KCND2: variants seen among roughly 807,000 people sequenced by gnomAD.
KCND2 encodes A-type voltage-gated potassium channel KCND2.
A neutral mutation model predicts 54.4 loss-of-function variants in KCND2; 16 were observed. The observed-to-expected ratio is 0.29, with a 90% CI of 0.20 to 0.45. The LOEUF is 0.45. Among genes scored for constraint, KCND2 ranks in the 20% least tolerant of loss-of-function variants. The pLI, the probability that KCND2 is intolerant of heterozygous loss-of-function variation, is 1.00. For synonymous variants in KCND2, 317 were observed against 310.7 expected, an observed-to-expected ratio of 1.02 and a Z score of -0.21; for missense variants, 486 against 824.2, an observed-to-expected ratio of 0.59 and a Z score of 5.02.
intron 1 of KCND2, among the ~76,000 whole-genome samples, chr7:120,535,302 C>G (rs1791892063): frequency 6.6e-6 from 1 of 152,028 alleles, no homozygotes; most frequent in African/African-American, 2.4e-5. Flanking sequence ...AGTCATAAAT[C>G]ATTTATTATT....
chr7:120,326,048 T>C (rs1046126329), intron 1 of KCND2, among the ~76,000 whole-genome samples: 8 of 152,134 alleles, frequency 5.3e-5, no homozygotes, highest in African/African-American at 1.9e-4. Flanking sequence ...TAAACATTTA[T>C]AAATGAAAGT....
chr7:120,651,029 G>T (rs1249102110), intron 1 of KCND2, among the ~76,000 whole-genome samples: 1 of 143,312 alleles, frequency 7.0e-6, no homozygotes, highest in Admixed American at 6.8e-5. Context: ...GCCCCTACTT[G>T]GGGGGTGCCT....
rs937985018 is a variant in KCND2 at position 120,370,094 on chromosome 7, G to A, written c.1115+94347G>A. Reference sequence around the variant, plus strand: ...GAAGATGACATGTGGATAAAGATGTGAAGAAGGTGAGGAACTTGGCAGTGG... The same window carrying A: ...GAAGATGACATGTGGATAAAGATGTAAAGAAGGTGAGGAACTTGGCAGTGG... On this transcript the variant is annotated intron_variant, in intron 1 of 5. Transcript: ENST00000331113. Among the ~76,000 whole-genome samples the A allele has an allele frequency of 9.2e-5, 14 of 152,092 alleles. No individual in the cohort carries two copies. In the South Asian group the frequency reaches 2.7e-3, roughly 29 times the overall value.
chr7:120,711,399 T>C (rs948323596), intron 1 of KCND2, among the ~76,000 whole-genome samples: 1 of 152,196 alleles, frequency 6.6e-6, no homozygotes, highest in Non-Finnish European at 1.5e-5. Context: ...TTGCAATGAC[T>C]TGCATTCCCT....
At chr7:120,351,264 A>ATATATATC (rs1478998313) in intron 1 of KCND2, among the ~76,000 whole-genome samples, 6 of 146,758 alleles carry the variant, frequency 4.1e-5, no homozygotes, top group African/African-American at 1.5e-4. Flanking sequence ...ATATATATAT[A>ATATATATC]TATCCAGTAT....
At chr7:120,331,931 A>C (rs1800074989) in intron 1 of KCND2, among the ~76,000 whole-genome samples, 1 of 151,956 alleles carries the variant, frequency 6.6e-6, no homozygotes, top group South Asian at 2.1e-4. Flanking sequence ...TTCTCTTTTA[A>C]AAATTTTATT....
At chr7:120,499,923 C>T (rs2116315190) in intron 1 of KCND2, among the ~76,000 whole-genome samples, 1 of 152,168 alleles carries the variant, frequency 6.6e-6, no homozygotes, top group Non-Finnish European at 1.5e-5. Context: ...AACTTTGGTA[C>T]CACCATTGTC....
intron 1 of KCND2, among the ~76,000 whole-genome samples, chr7:120,515,660 A>T (rs1380652821): frequency 3.9e-5 from 6 of 152,094 alleles, no homozygotes; most frequent in Non-Finnish European, 8.8e-5. Flanking sequence ...CACCACCCCA[A>T]AAAAGAGGCA....
At chr7:120,520,234 T>C (rs761933299) in intron 1 of KCND2, among the ~76,000 whole-genome samples, 9 of 152,106 alleles carry the variant, frequency 5.9e-5, no homozygotes, top group Non-Finnish European at 1.0e-4. Context: ...ATTTAAAGAA[T>C]ATTGTAATTT....
At chr7:120,640,641 G>T (rs975289557) in intron 1 of KCND2, among the ~76,000 whole-genome samples, 1 of 152,084 alleles carries the variant, frequency 6.6e-6, no homozygotes, top group African/African-American at 2.4e-5. Flanking sequence ...AAAAGAAAAT[G>T]TTCAGAAAAG....
chr7:120,742,505 A>G lies in KCND2; in HGVS notation c.1375-5A>G. ...AAAGCTCTTCTGTCTTCTCTTTGTT[A>G]ACAGTCCTCAGAGGATGAGCAGGCT... On this transcript the variant is annotated splice_region_variant and splice_polypyrimidine_tract_variant and intron_variant, in intron 3 of 5. Transcript: ENST00000331113. 1.2e-6 allele frequency: 2 copies of G among 1,612,156 alleles called. No homozygotes were observed. Among genetic ancestry groups the G allele is most frequent in the Non-Finnish European group, 8.5e-7 (1 of 1,178,264 alleles).
intron 1 of KCND2, among the ~76,000 whole-genome samples, chr7:120,336,346 CT>C (rs1800151587): frequency 6.6e-6 from 1 of 152,080 alleles, no homozygotes; most frequent in African/African-American, 2.4e-5. Context: ...GCCAACTTCT[CT>C]TTTTATTTTT....
chr7:120,568,890 TC>T, intron 1 of KCND2, among the ~76,000 whole-genome samples: 1 of 152,280 alleles, frequency 6.6e-6, no homozygotes, highest in East Asian at 1.9e-4. Flanking sequence ...CAGGGGCATA[TC>T]TTTTTTTTAA....
At position 120,369,824 on chromosome 7, in the gene KCND2, T is replaced by A. The variant is rs79089283; in HGVS notation, c.1115+94077T>A. Among the ~76,000 whole-genome samples the A allele has an allele frequency of 2.0e-5, 3 of 152,048 alleles. No individual in the cohort carries two copies. In the South Asian group the frequency reaches 6.2e-4, roughly 31 times the overall value. On this transcript the variant is annotated intron_variant, in intron 1 of 5. Transcript: ENST00000331113. Reference sequence around the variant, plus strand: ...ATGTACCAGGCAGTACCTAGTTACTTGGAATCAATGAACAAAAGAAGAACG... The same window carrying A: ...ATGTACCAGGCAGTACCTAGTTACTAGGAATCAATGAACAAAAGAAGAACG...
intron 1 of KCND2, among the ~76,000 whole-genome samples, chr7:120,307,210 T>C (rs1211048517): frequency 6.6e-6 from 1 of 151,992 alleles, no homozygotes; most frequent in Non-Finnish European, 1.5e-5. Flanking sequence ...TTCATTTTTA[T>C]GTAGAGAAAA....
intron 1 of KCND2, among the ~76,000 whole-genome samples, chr7:120,416,409 A>G (rs1482013599): frequency 6.6e-6 from 1 of 152,170 alleles, no homozygotes; most frequent in Non-Finnish European, 1.5e-5. Flanking sequence ...CTCAAAAATC[A>G]CTTCTTCATA....
intron 1 of KCND2, among the ~76,000 whole-genome samples, chr7:120,458,986 A>T (rs1802242058): frequency 6.6e-6 from 1 of 151,724 alleles, no homozygotes; most frequent in African/African-American, 2.4e-5. Context: ...CTAATATATT[A>T]TTATTATTTT....
At chr7:120,615,171 C>A (rs1423827065) in intron 1 of KCND2, among the ~76,000 whole-genome samples, 1 of 152,102 alleles carries the variant, frequency 6.6e-6, no homozygotes, top group Non-Finnish European at 1.5e-5. Context: ...TCAACTACAC[C>A]AGAATGCTTC....
intron 1 of KCND2, among the ~76,000 whole-genome samples, chr7:120,481,693 G>A (rs986371679): frequency 6.6e-6 from 1 of 152,146 alleles, no homozygotes; most frequent in Non-Finnish European, 1.5e-5. Context: ...CTGAAGCAGT[G>A]CTTTTTAGCT....
Sources: allele counts gnomAD v4.1 joint callset (sites outside exome capture counted in the v4.1 genomes callset), GRCh38; gene constraint gnomAD v4.1.1; transcripts MANE v1.5; gene names NCBI Gene and HGNC (gene_info 2026-07-23, HGNC 2026-07-21).